Variants in LCMT1 observed in about 807,000 individuals in gnomAD.
LCMT1 encodes [Phosphatase 2A protein]-leucine-carboxy methyltransferase 1.
In LCMT1, 32 loss-of-function variants were observed where a neutral mutation model predicts 47.7. The observed-to-expected ratio is 0.67, with a 90% confidence interval of 0.51 to 0.90. The LOEUF (loss-of-function observed/expected upper bound fraction) is 0.90. Ranked by LOEUF, LCMT1 falls within the 40% of genes least tolerant of loss-of-function variation. The pLI is 0.00. For synonymous variants in LCMT1, 152 were observed against 149.7 expected, an observed-to-expected ratio of 1.02 and a Z score of -0.11; for missense variants, 375 against 415.2, an observed-to-expected ratio of 0.90 and a Z score of 0.84.
intron 1 of LCMT1, among the ~76,000 whole-genome samples, chr16:25,119,161 A>G (rs1959890928): frequency 6.6e-6 from 1 of 152,108 alleles, no homozygotes; most frequent in South Asian, 2.1e-4. Flanking sequence ...AGTTGATAGA[A>G]TGTTCTGGCA....
intron 10 of LCMT1, among the ~76,000 whole-genome samples, chr16:25,177,484 A>G (rs1961983451): frequency 1.3e-5 from 2 of 152,240 alleles, no homozygotes; most frequent in Admixed American, 1.3e-4. Context: ...AAAATGCTCA[A>G]TGAGCATAAT....
chr16:25,138,365 C>T (rs1960566895), intron 3 of LCMT1, among the ~76,000 whole-genome samples: 2 of 151,824 alleles, frequency 1.3e-5, no homozygotes, highest in African/African-American at 4.8e-5. Context: ...TGAAGGGATT[C>T]CAGAGGCATC....
At chr16:25,142,531 AG>A (rs1960725985) in intron 4 of LCMT1, 1 of 152,180 alleles carries the variant, frequency 6.6e-6, no homozygotes, top group African/African-American at 2.4e-5. Flanking sequence ...GGATGATGGT[AG>A]CACACCCAGC....
At chr16:25,177,658 AC>A (rs1961987452) in intron 10 of LCMT1, among the ~76,000 whole-genome samples, 1 of 152,144 alleles carries the variant, frequency 6.6e-6, no homozygotes, top group African/African-American at 2.4e-5. Flanking sequence ...GTCCCCACTG[AC>A]CCGTGACTGC....
At chr16:25,147,240 C>G (rs1179768794) in intron 4 of LCMT1, 1 of 152,242 alleles carries the variant, frequency 6.6e-6, no homozygotes, top group Admixed American at 6.5e-5. Flanking sequence ...GGATCCTTGT[C>G]ACTCCCCCGT....
intron 3 of LCMT1, among the ~76,000 whole-genome samples, chr16:25,139,161 C>T (rs1960598279): frequency 6.6e-6 from 1 of 152,192 alleles, no homozygotes; most frequent in South Asian, 2.1e-4. Context: ...CCGCCTGCCT[C>T]AGCCTCCCAA....
intron 9 of LCMT1, 62 bp from the exon 10 acceptor site, chr16:25,174,875 G>C: frequency 1.3e-6 from 1 of 774,546 alleles, no homozygotes; most frequent in Non-Finnish European, 2.0e-6. Context: ...CCGTAGCTAT[G>C]GGCCATGATC....
At chr16:25,131,091 T>A (rs1296456508) in intron 2 of LCMT1, among the ~76,000 whole-genome samples, 2 of 152,252 alleles carry the variant, frequency 1.3e-5, no homozygotes, top group Non-Finnish European at 2.9e-5. Context: ...CCTGCCTTAT[T>A]CTCAGCCAGA....
chr16:25,175,135 C>T, intron 10 of LCMT1, 101 bp downstream of exon 10: 1 of 658,856 alleles, frequency 1.5e-6, no homozygotes, highest in Non-Finnish European at 2.7e-6. Context: ...CCCTCTTTCT[C>T]TCTCTGTCCC....
intron 5 of LCMT1, among the ~76,000 whole-genome samples, chr16:25,158,427 G>A (rs767758062): frequency 5.9e-5 from 9 of 152,322 alleles, no homozygotes; most frequent in Non-Finnish European, 1.2e-4. Flanking sequence ...AAGCCACTGC[G>A]CCCGGCCGGT....
At chr16:25,145,669 A>G (rs1443461591) in intron 4 of LCMT1, 1 of 152,248 alleles carries the variant, frequency 6.6e-6, no homozygotes, top group African/African-American at 2.4e-5. Context: ...GCTTTTTAAC[A>G]GGGAGGACCG....
chr16:25,165,341 G>C (rs1038605503), intron 7 of LCMT1, among the ~76,000 whole-genome samples: 5 of 152,146 alleles, frequency 3.3e-5, no homozygotes, highest in Admixed American at 1.3e-4. Flanking sequence ...TTCTGCTTTA[G>C]AGCTTTGGAA....
At position 25,123,651 on chromosome 16, in the gene LCMT1, A is replaced by G. The variant is rs1351301259; in HGVS notation, c.114-4824A>G. Among the ~76,000 whole-genome samples the G allele has an allele frequency of 6.8e-5, 8 of 117,222 alleles. No individual in the cohort carries two copies. The Admixed American group carries it at 9.8e-4, about 14-fold the overall frequency. The allele number at this position is 117,222 out of a possible 152,430, so 76.9% of individuals were successfully genotyped here. A position where few individuals can be genotyped will look rare whatever the true frequency, so the allele number is the denominator to read the frequency against. ...GAGACGGAGTCTTGCTCTGTCACCC[A>G]GGCTGGAGTGCAGTGGCGCAATCTT... is the stretch of plus-strand genomic sequence containing the variant. On this transcript the variant is annotated intron_variant, in intron 1 of 10. Coordinates refer to ENST00000399069, the MANE Select transcript of LCMT1 (RefSeq NM_016309.3).
intron 6 of LCMT1, among the ~76,000 whole-genome samples, chr16:25,162,313 G>T (rs1188193492): frequency 1.3e-5 from 2 of 152,124 alleles, no homozygotes; most frequent in African/African-American, 2.4e-5. Context: ...TATAGGCTGG[G>T]CGTGGTGCCT....
intron 7 of LCMT1, among the ~76,000 whole-genome samples, chr16:25,164,971 T>C (rs1961543275): frequency 1.3e-5 from 2 of 152,222 alleles, no homozygotes; most frequent in African/African-American, 4.8e-5. Flanking sequence ...TCATTACATG[T>C]ACCATGGAGT....
intron 1 of LCMT1, among the ~76,000 whole-genome samples, chr16:25,118,504 T>C (rs1209973479): frequency 6.6e-6 from 1 of 152,134 alleles, no homozygotes; most frequent in African/African-American, 2.4e-5. Flanking sequence ...GATGCAGCTC[T>C]TATGGAGCAT....
At chr16:25,120,179 C>A (rs1020655553) in intron 1 of LCMT1, among the ~76,000 whole-genome samples, 6 of 150,374 alleles carry the variant, frequency 4.0e-5, no homozygotes, top group Non-Finnish European at 7.4e-5. Context: ...TTTAAAAAAA[C>A]CCCAAAAAAC....
intron 6 of LCMT1, among the ~76,000 whole-genome samples, chr16:25,161,704 A>G (rs1961439571): frequency 6.6e-6 from 1 of 152,212 alleles, no homozygotes; most frequent in Non-Finnish European, 1.5e-5. Context: ...TTGTAAAAAT[A>G]CTAGTGCCTA....
At chr16:25,129,073 C>T (rs1003420123) in intron 2 of LCMT1, among the ~76,000 whole-genome samples, 2 of 150,138 alleles carry the variant, frequency 1.3e-5, no homozygotes, top group Non-Finnish European at 3.0e-5. Flanking sequence ...TGAGAACATG[C>T]GGTGTTTGGT....
Sources: allele counts gnomAD v4.1 joint callset (sites outside exome capture counted in the v4.1 genomes callset), GRCh38; gene constraint gnomAD v4.1.1; transcripts MANE v1.5; gene names NCBI Gene and HGNC (gene_info 2026-07-23, HGNC 2026-07-21).